MGAT4C: variants seen among roughly 807,000 people sequenced by gnomAD.
MGAT4C encodes alpha-1,3-mannosyl-glycoprotein 4-beta-N-acetylglucosaminyltransferase C.
A neutral mutation model predicts 40.1 loss-of-function variants in MGAT4C; 19 were observed. The ratio of observed to expected loss-of-function variants is 0.47; its 90% CI spans 0.33 to 0.70. MGAT4C has a LOEUF of 0.70. MGAT4C is among the 30% of genes least tolerant of loss of function. MGAT4C has a pLI of 0.02. For missense variants in MGAT4C, 491 were observed against 563.2 expected (o/e 0.87, Z 1.30); for synonymous variants, 181 against 187.1 (o/e 0.97, Z 0.27).
intron 2 of MGAT4C, among the ~76,000 whole-genome samples, chr12:86,726,150 T>C (rs1950817745): frequency 6.6e-6 from 1 of 152,188 alleles, no homozygotes; most frequent in African/African-American, 2.4e-5. Context: ...AAAGACAGTT[T>C]AAAACATTGG....
intron 2 of MGAT4C, among the ~76,000 whole-genome samples, chr12:86,679,223 G>A (rs1949932800): frequency 6.6e-6 from 1 of 152,072 alleles, no homozygotes; most frequent in Non-Finnish European, 1.5e-5. Context: ...CTGCATAAAT[G>A]TCTTCTTTTG....
intron 4 of MGAT4C, among the ~76,000 whole-genome samples, chr12:86,312,944 T>G (rs1250476125): frequency 6.6e-6 from 1 of 152,086 alleles, no homozygotes; most frequent in East Asian, 1.9e-4. Context: ...CTTTAATATA[T>G]CAAAAGGCTT....
Position 86,236,720 on chromosome 12 carries a change from T to C in MGAT4C, c.-57+19519A>G, listed in dbSNP as rs796844702. 7.2e-5 allele frequency among the ~76,000 whole-genome samples: 11 copies of C among 152,070 alleles called. 1 individual carries two copies. The highest frequency in any genetic ancestry group is 2.4e-4 in the African/African-American group (10 of 41,538). On this transcript the variant is annotated intron_variant, in intron 1 of 4. Transcript: ENST00000611864. Reference sequence around the variant, plus strand: ...AAAATAGTATAATTGCAAGCAGATATAGTTACTAAATAATTAAAGGACCAT... The same window carrying C: ...AAAATAGTATAATTGCAAGCAGATACAGTTACTAAATAATTAAAGGACCAT...
At chr12:86,383,271 G>A (rs541097887) in intron 3 of MGAT4C, among the ~76,000 whole-genome samples, 3 of 151,818 alleles carry the variant, frequency 2.0e-5, no homozygotes, top group African/African-American at 7.2e-5. Context: ...ACTGCCCTTG[G>A]CCAGGCACAG....
At chr12:86,041,599 GT>G (rs1891853694) in intron 2 of MGAT4C, among the ~76,000 whole-genome samples, 1 of 152,080 alleles carries the variant, frequency 6.6e-6, no homozygotes, top group South Asian at 2.1e-4. Context: ...TCAGGATTAG[GT>G]TGTTTAATTT....
chr12:86,103,289 C>T (rs1875464377), intron 1 of MGAT4C, among the ~76,000 whole-genome samples: 1 of 152,054 alleles, frequency 6.6e-6, no homozygotes, highest in Non-Finnish European at 1.5e-5. Context: ...TAATGAAATA[C>T]AATAAAGCAG....
In MGAT4C at chr12:86,304,895, C is replaced by T. The variant is rs77663078; in HGVS notation, c.-57+29170G>A. ...TAGCTGGGAAGAAGGAAGAGTTCTCCTCTACAGGTTTCAAGAGCATGGTCC... is the reference window on the plus strand; with the variant it reads ...TAGCTGGGAAGAAGGAAGAGTTCTCTTCTACAGGTTTCAAGAGCATGGTCC... On this transcript the variant is annotated intron_variant, in intron 4 of 7. Coordinates refer to the MGAT4C transcript ENST00000548651. Among the ~76,000 whole-genome samples the T allele has an allele frequency of 2.1e-4, 31 of 150,700 alleles. 1 individual carries two copies. In the East Asian group the frequency reaches 5.9e-3, roughly 28 times the overall value.
chr12:86,591,219 T>C (rs1234000343), intron 2 of MGAT4C, among the ~76,000 whole-genome samples: 1 of 152,040 alleles, frequency 6.6e-6, no homozygotes, highest in East Asian at 1.9e-4. Context: ...AAATAGTAAC[T>C]TCCATCTACT....
Position 85,974,255 on chromosome 12 carries a change from TA to T in MGAT4C, c.*5033del, listed in dbSNP as rs1434127227. On this transcript the variant is annotated 3_prime_UTR_variant, in exon 5 of 5. Coordinates refer to ENST00000611864, the MANE Select transcript of MGAT4C (RefSeq NM_001351288.2). Reference sequence around the variant, plus strand: ...TGTGATTTTCAAAGGATGTCATGTATAAAAGATTTGAGTGAGAACATGAAAG... The same window carrying T: ...TGTGATTTTCAAAGGATGTCATGTATAAAGATTTGAGTGAGAACATGAAAG... The T allele has an allele frequency of 4.0e-5, 6 of 150,746 alleles. No individual in the cohort carries two copies. Among genetic ancestry groups the T allele is most frequent in the Non-Finnish European group, 9.0e-5 (6 of 67,034 alleles). The allele number at this position is 150,746 out of a possible 1,614,324, so 9.3% of individuals were successfully genotyped here.
chr12:86,754,905 T>G (rs755070151), intron 1 of MGAT4C, among the ~76,000 whole-genome samples: 5 of 152,108 alleles, frequency 3.3e-5, no homozygotes, highest in Non-Finnish European at 7.4e-5. Context: ...TTTACCTATG[T>G]TAACGTATTC....
chr12:86,703,338 T>C (rs1265473892), intron 2 of MGAT4C, among the ~76,000 whole-genome samples: 1 of 152,204 alleles, frequency 6.6e-6, no homozygotes, highest in Non-Finnish European at 1.5e-5. Context: ...TAAAATGCTA[T>C]ATAACATCAT....
At chr12:86,143,496 T>C (rs1883127996) in intron 1 of MGAT4C, among the ~76,000 whole-genome samples, 1 of 151,486 alleles carries the variant, frequency 6.6e-6, no homozygotes, top group South Asian at 2.1e-4. Flanking sequence ...AGATAGCTTG[T>C]TATGGGAGAA....
chr12:86,723,951 G>A (rs1008750363), intron 2 of MGAT4C, among the ~76,000 whole-genome samples: 1 of 152,144 alleles, frequency 6.6e-6, no homozygotes, highest in Non-Finnish European at 1.5e-5. Context: ...TTCACAAATT[G>A]TGTATGTGTA....
At chr12:86,530,713 C>T (rs1444125485) in intron 2 of MGAT4C, among the ~76,000 whole-genome samples, 5 of 151,932 alleles carry the variant, frequency 3.3e-5, no homozygotes, top group Admixed American at 3.3e-4. Flanking sequence ...ATCCATATAA[C>T]ATAAACAATT....
chr12:86,669,977 C>A (rs1208853697), intron 2 of MGAT4C, among the ~76,000 whole-genome samples: 3 of 151,064 alleles, frequency 2.0e-5, no homozygotes, highest in Non-Finnish European at 4.4e-5. Flanking sequence ...AGGGTGACAA[C>A]CCCTAAGGAG....
At chr12:86,489,699 G>T (rs1362009643) in intron 2 of MGAT4C, among the ~76,000 whole-genome samples, 1 of 152,122 alleles carries the variant, frequency 6.6e-6, no homozygotes, top group Admixed American at 6.6e-5. Context: ...CCTCCTCCGA[G>T]GGGTTGAACC....
At chr12:86,421,030 T>C (rs1250245833) in intron 3 of MGAT4C, among the ~76,000 whole-genome samples, 1 of 151,998 alleles carries the variant, frequency 6.6e-6, no homozygotes, top group East Asian at 1.9e-4. Flanking sequence ...CCTTTTATAG[T>C]AATAAAATAT....
intron 1 of MGAT4C, among the ~76,000 whole-genome samples, chr12:86,209,437 A>G (rs1007748221): frequency 6.6e-6 from 1 of 152,156 alleles, no homozygotes; most frequent in African/African-American, 2.4e-5. Flanking sequence ...AAATATGAAT[A>G]TAAAAAGTCA....
chr12:86,646,135 T>C (rs1275170895), intron 2 of MGAT4C, among the ~76,000 whole-genome samples: 1 of 151,826 alleles, frequency 6.6e-6, no homozygotes, highest in Non-Finnish European at 1.5e-5. Flanking sequence ...ATCCATCAAG[T>C]CTGTCAAAAT....
Sources: gnomAD v4.1 joint callset for allele counts (sites outside exome capture counted in the v4.1 genomes callset) on GRCh38, gnomAD v4.1.1 for gene constraint, MANE v1.5 for transcripts, NCBI Gene and HGNC (gene_info 2026-07-23, HGNC 2026-07-21) for gene names.